MCTP2: variants seen among roughly 807,000 people sequenced by gnomAD.
MCTP2 encodes the protein multiple C2 and transmembrane domain-containing protein 2.
In MCTP2, 132 loss-of-function variants were observed where a neutral mutation model predicts 111.6. The observed-to-expected ratio is 1.18, with a 90% CI of 1.03 to 1.37. The LOEUF (loss-of-function observed/expected upper bound fraction) is 1.37, where lower values mean the gene tolerates loss of function less well. Among genes scored for constraint, MCTP2 ranks in the 40% most tolerant of loss-of-function variants. The probability of loss-of-function intolerance (pLI) is 0.00; values close to 1 mark genes in which losing one functional copy is unlikely to be tolerated. For synonymous variants in MCTP2, 395 were observed against 387.7 expected (o/e 1.02, Z -0.22); for missense variants, 1,183 against 1,067.9 (o/e 1.11, Z -1.50).
At chr15:94,391,612 A>G (rs557870151) in intron 14 of MCTP2, among the ~76,000 whole-genome samples, 99 of 152,334 alleles carry the variant, frequency 6.5e-4, no homozygotes, top group Non-Finnish European at 9.1e-4. Context: ...GTCACTTTGA[A>G]CGGAAATTTC....
At chr15:94,349,511 G>A (rs1031417439) in intron 8 of MCTP2, among the ~76,000 whole-genome samples, 2 of 152,128 alleles carry the variant, frequency 1.3e-5, no homozygotes, top group African/African-American at 4.8e-5. Flanking sequence ...TGGCCTTTCA[G>A]GTGGGTGGAG....
At chr15:94,287,240 C>CT (rs35719673) in intron 1 of MCTP2, among the ~76,000 whole-genome samples, 94,507 of 149,424 alleles carry the variant, frequency 0.63, 29,868 homozygotes, top group African/African-American at 0.69. Flanking sequence ...TTTAAGAGCA[C>CT]TTTTTTTTTT....
At chr15:94,306,278 A>T (rs115831476) in intron 2 of MCTP2, among the ~76,000 whole-genome samples, 1,665 of 152,360 alleles carry the variant, frequency 0.011, 36 homozygotes, top group African/African-American at 0.037. Context: ...CCTGCCAGCC[A>T]CAAGCACCTA....
chr15:94,311,516 G>T (rs146445505), intron 2 of MCTP2, among the ~76,000 whole-genome samples: 309 of 152,252 alleles, frequency 2.0e-3, no homozygotes, highest in Non-Finnish European at 3.4e-3. Flanking sequence ...GAGTGTGGGG[G>T]AATATCCAAA....
At chr15:94,309,928 C>G (rs920683055) in intron 2 of MCTP2, among the ~76,000 whole-genome samples, 1 of 152,194 alleles carries the variant, frequency 6.6e-6, no homozygotes, top group African/African-American at 2.4e-5. Flanking sequence ...TAATAGTGCT[C>G]ATTCCAAGAT....
At chr15:94,391,005 C>G (rs1179568556) in intron 14 of MCTP2, among the ~76,000 whole-genome samples, 1 of 152,168 alleles carries the variant, frequency 6.6e-6, no homozygotes, top group East Asian at 1.9e-4. Context: ...GCTGGGATTA[C>G]AGGCGTGAGC....
intron 12 of MCTP2, among the ~76,000 whole-genome samples, chr15:94,374,329 A>T (rs1386063456): frequency 2.0e-5 from 3 of 152,226 alleles, no homozygotes; most frequent in Non-Finnish European, 4.4e-5. Flanking sequence ...TATGTTACCC[A>T]TTGAGAGAGA....
rs911357561 is a variant in MCTP2, at chr15:94,268,753, T to C, written c.-65-29448T>C. On this transcript the variant is annotated intron_variant, in intron 1 of 22. Transcript: ENST00000357742. ...TGCCACTCTTATAAGAACTAGTAGA[T>C]ACTCAGGTAACATTTCTACATTGAC... is the stretch of plus-strand genomic sequence containing the variant. 4.0e-5 allele frequency among the ~76,000 whole-genome samples: 6 copies of C among 150,548 alleles called. No individual in the cohort carries two copies. In the Admixed American group the frequency reaches 4.0e-4, roughly 10 times the overall value.
At position 94,377,734 on chromosome 15, in the gene MCTP2, A is replaced by G. The variant is rs141904763; in HGVS notation, c.1583-6288A>G. Among the ~76,000 whole-genome samples the G allele has an allele frequency of 1.7e-4, 26 of 152,272 alleles. No individual in the cohort carries two copies. The East Asian group carries it at 3.5e-3, about 20-fold the overall frequency. On this transcript the variant is annotated intron_variant, in intron 12 of 22. Transcript: ENST00000357742. ...TTTAACCAGTGACTGTCTAATTTCA[A>G]TTACTGCTAAGGTCAAGAACGTGGT...
chr15:94,464,033 T>G (rs1049327240), intron 20 of MCTP2, among the ~76,000 whole-genome samples: 1 of 151,366 alleles, frequency 6.6e-6, no homozygotes, highest in Non-Finnish European at 1.5e-5. Flanking sequence ...TTATTTTGTG[T>G]TCTTGACATT....
intron 7 of MCTP2, chr15:94,342,912 A>G (rs189324951): frequency 7.3e-6 from 1 of 137,700 alleles, no homozygotes; most frequent in East Asian, 2.0e-4. Flanking sequence ...ATTTATGTAT[A>G]TGGAGATATA....
In MCTP2 at chr15:94,352,762, A is replaced by AG. The variant is rs941776192; in HGVS notation, c.1006-3372dup. Among the ~76,000 whole-genome samples, 12 of 152,242 alleles carry AG rather than the reference A, an allele frequency of 7.9e-5. No homozygotes were observed. In the South Asian group the frequency reaches 1.0e-3, roughly 13 times the overall value. On this transcript the variant is annotated intron_variant, in intron 8 of 22. Transcript: ENST00000357742. Reference sequence around the variant, plus strand: ...AGTGCAGATGAGTTGATTTATTGTGAGGGAAAAAAGGGGTGTTTGAAGAGC... The same window carrying AG: ...AGTGCAGATGAGTTGATTTATTGTGAGGGGAAAAAAGGGGTGTTTGAAGAGC...
At chr15:94,403,119 T>C (rs1241259185) in intron 17 of MCTP2, 13 of 986,458 alleles carry the variant, frequency 1.3e-5, no homozygotes, top group Non-Finnish European at 1.6e-5. Context: ...TTTTGTTTGC[T>C]GTCGTTTATT....
At chr15:94,393,443 C>T (rs1200483998) in intron 14 of MCTP2, among the ~76,000 whole-genome samples, 2 of 152,024 alleles carry the variant, frequency 1.3e-5, no homozygotes, top group African/African-American at 4.8e-5. Flanking sequence ...GAAAATGTGT[C>T]GGTGTATTAC....
rs369205876 is a variant in MCTP2 at position 94,367,622 on chromosome 15, C to T, written c.1319C>T (p.Ser440Leu). ...ERLGTCKVDI[S>L]ALPLKQANCL... ...TTTTCTAGGTGTAAAGTGGATATCT[C>T]GGCACTCCCTCTGAAGCAAGCCAAC... The change falls in exon 11 of 23, where the codon TCG becomes TTG. Residue 440 changes from serine to leucine, a missense_variant. By Grantham distance (145) the Ser-to-Leu change is moderately radical (BLOSUM62 -2). Transcript: ENST00000357742. The T allele has an allele frequency of 8.6e-5, 139 of 1,610,958 alleles. No homozygotes were observed. The highest frequency in any genetic ancestry group is 3.6e-4 in the East Asian group (16 of 44,514).
chr15:94,295,933 T>A (rs2075254699), intron 1 of MCTP2, among the ~76,000 whole-genome samples: 1 of 151,668 alleles, frequency 6.6e-6, no homozygotes, highest in Non-Finnish European at 1.5e-5. Flanking sequence ...AAAAAAATTC[T>A]GTCTGGTTGT....
intron 1 of MCTP2, among the ~76,000 whole-genome samples, chr15:94,264,467 G>A (rs951237045): frequency 6.6e-6 from 1 of 152,042 alleles, no homozygotes; most frequent in African/African-American, 2.4e-5. Context: ...AAATTAGCTG[G>A]GCATGGTGGC....
Position 94,283,203 on chromosome 15 carries a change from A to T in MCTP2, c.-65-14998A>T, listed in dbSNP as rs28593589. Among the ~76,000 whole-genome samples the T allele has an allele frequency of 5.5e-3, 842 of 152,188 alleles. 2 individuals carry two copies. Among genetic ancestry groups the T allele is most frequent in the African/African-American group, 0.019 (801 of 41,518 alleles). ...GGCTGGGCAGCTGAGGCTGCGCTGT[A>T]AGTTGTGTGGCCAGGCAGGGACCCT... On this transcript the variant is annotated intron_variant, in intron 1 of 22. Coordinates refer to ENST00000357742, the MANE Select transcript of MCTP2 (RefSeq NM_001385001.1).
intron 8 of MCTP2, among the ~76,000 whole-genome samples, chr15:94,350,798 T>C: frequency 6.6e-6 from 1 of 152,208 alleles, no homozygotes; most frequent in East Asian, 1.9e-4. Context: ...GCCCAACATA[T>C]AACTTGAGCT....
Sources: allele counts gnomAD v4.1 joint callset (sites outside exome capture counted in the v4.1 genomes callset), GRCh38; gene constraint gnomAD v4.1.1; transcripts MANE v1.5; gene names NCBI Gene and HGNC (gene_info 2026-07-23, HGNC 2026-07-21).